TTBK2: variants seen among roughly 807,000 people sequenced by gnomAD.
The protein encoded by TTBK2 is tau-tubulin kinase 2.
In TTBK2, 28 loss-of-function variants were observed where a neutral mutation model predicts 110.8. That is an observed-to-expected ratio of 0.25 (90% CI 0.19 to 0.35). The LOEUF is 0.35. Among genes scored for constraint, TTBK2 ranks in the 10% least tolerant of loss-of-function variants. The pLI is 1.00. For synonymous variants in TTBK2, 532 were observed against 527.3 expected (o/e 1.01, Z -0.12); for missense variants, 1,369 against 1,500.3 (o/e 0.91, Z 1.45).
In TTBK2 at chr15:42,913,431, A is replaced by G. The variant is rs374606228; in HGVS notation, c.-68+7007T>C. On this transcript the variant is annotated intron_variant, in intron 1 of 14. Coordinates refer to ENST00000267890, the MANE Select transcript of TTBK2 (RefSeq NM_173500.4). ...GAGGCGGGCGGATCACGGGGTCAGG[A>G]GATCGAGACCATCCTGATTAACACG... Among the ~76,000 whole-genome samples the G allele has an allele frequency of 8.7e-4, 133 of 152,148 alleles. 3 individuals are homozygous for G. In the East Asian group the frequency reaches 0.02, roughly 23 times the overall value.
chr15:42,849,497 C>G (rs1893609197), intron 3 of TTBK2, among the ~76,000 whole-genome samples: 1 of 152,072 alleles, frequency 6.6e-6, no homozygotes, highest in South Asian at 2.1e-4. Flanking sequence ...TTGTCTGATT[C>G]TTTCTAAGCT....
At chr15:42,801,722 C>A in intron 9 of TTBK2, 1 of 851,702 alleles carries the variant, frequency 1.2e-6, no homozygotes, top group Non-Finnish European at 2.0e-6. Flanking sequence ...CTCCCGATCT[C>A]CTCTTCATAC....
At chr15:42,785,920 C>T (rs1269133180) in intron 10 of TTBK2, among the ~76,000 whole-genome samples, 1 of 152,066 alleles carries the variant, frequency 6.6e-6, no homozygotes, top group Non-Finnish European at 1.5e-5. Flanking sequence ...TTAAGGGTCA[C>T]AGTTAGATCC....
At chr15:42,902,171 G>A (rs897273847) in intron 1 of TTBK2, among the ~76,000 whole-genome samples, 5 of 149,404 alleles carry the variant, frequency 3.3e-5, no homozygotes, top group South Asian at 2.1e-4. Flanking sequence ...AGCCAAGATC[G>A]TGCCATTGCC....
At chr15:42,881,363 CT>C (rs1895043012) in intron 1 of TTBK2, among the ~76,000 whole-genome samples, 1 of 147,382 alleles carries the variant, frequency 6.8e-6, no homozygotes, top group African/African-American at 2.5e-5. Context: ...AAAAAAAAAC[CT>C]TTTAATGTTG....
At chr15:42,859,654 C>T (rs1278333957) in intron 3 of TTBK2, among the ~76,000 whole-genome samples, 1 of 151,982 alleles carries the variant, frequency 6.6e-6, no homozygotes, top group African/African-American at 2.4e-5. Flanking sequence ...TGCTTTTATG[C>T]AGTACATTAT....
At chr15:42,840,169 T>C (rs928127819) in intron 4 of TTBK2, among the ~76,000 whole-genome samples, 191 bp downstream of exon 4, 11 of 152,192 alleles carry the variant, frequency 7.2e-5, no homozygotes, top group Non-Finnish European at 1.3e-4. Flanking sequence ...TCAACTCAAA[T>C]AGCGGACAAA....
At chr15:42,853,330 A>T (rs1893796463) in intron 3 of TTBK2, among the ~76,000 whole-genome samples, 1 of 152,230 alleles carries the variant, frequency 6.6e-6, no homozygotes, top group Non-Finnish European at 1.5e-5. Flanking sequence ...AGAAAAATGT[A>T]GTTTTTCCTG....
chr15:42,852,449 A>G (rs1398962597), intron 3 of TTBK2, among the ~76,000 whole-genome samples: 1 of 152,238 alleles, frequency 6.6e-6, no homozygotes, highest in Non-Finnish European at 1.5e-5. Flanking sequence ...TAAAGGGAAA[A>G]AGTAAAATAT....
chr15:42,792,562 A>G (rs1273197364), intron 10 of TTBK2, among the ~76,000 whole-genome samples: 1 of 152,052 alleles, frequency 6.6e-6, no homozygotes, highest in Non-Finnish European at 1.5e-5. Context: ...TCTTTCTAGC[A>G]CTGGTTTTAT....
At position 42,741,125 on chromosome 15, in the gene TTBK2, C is replaced by CGGAA. The variant is rs1479158901; in HGVS notation, c.*4669_*4670insTTCC. 2.0e-5 allele frequency: 3 copies of CGGAA among 152,148 alleles called. No homozygotes were observed. Among genetic ancestry groups the CGGAA allele is most frequent in the Non-Finnish European group, 2.9e-5 (2 of 68,016 alleles). The allele number at this position is 152,148 out of a possible 1,614,324, so 9.4% of individuals were successfully genotyped here. ...GACTTTGTTAAATTTCTCATAATTC[C>CGGAA]AGAGGGAAGGCCAAAATATTGAGAA... On this transcript the variant is annotated 3_prime_UTR_variant, in exon 15 of 15. Coordinates refer to ENST00000267890, the MANE Select transcript of TTBK2 (RefSeq NM_173500.4).
chr15:42,853,871 G>C (rs774123787), intron 3 of TTBK2, among the ~76,000 whole-genome samples: 5 of 151,086 alleles, frequency 3.3e-5, no homozygotes, highest in Admixed American at 6.6e-5. Flanking sequence ...ACAGTTGAAG[G>C]CTCCGTCTCA....
intron 13 of TTBK2, among the ~76,000 whole-genome samples, chr15:42,755,391 C>T (rs2061932460): frequency 6.6e-6 from 1 of 152,068 alleles, no homozygotes. Flanking sequence ...CATGTGGTTC[C>T]AGGGTCAGCT....
chr15:42,905,893 T>C (rs188256452), intron 1 of TTBK2, among the ~76,000 whole-genome samples: 10 of 152,294 alleles, frequency 6.6e-5, no homozygotes, highest in Non-Finnish European at 1.3e-4. Context: ...ATACTGACTG[T>C]GCTCAATAAA....
intron 13 of TTBK2, among the ~76,000 whole-genome samples, chr15:42,763,149 T>TACATAC (rs1889128547): frequency 9.9e-5 from 6 of 60,438 alleles, no homozygotes; most frequent in Non-Finnish European, 1.6e-4. Context: ...CATACATATA[T>TACATAC]ATATATACAT....
At chr15:42,784,033 G>A (rs527525380) in intron 10 of TTBK2, among the ~76,000 whole-genome samples, 2 of 151,902 alleles carry the variant, frequency 1.3e-5, no homozygotes, top group South Asian at 4.2e-4. Flanking sequence ...CTGCACTCCA[G>A]CCTGGGTGAC....
chr15:42,770,151 T>G lies in TTBK2; in HGVS notation c.1998+4984A>C, dbSNP rs149261319. Among the ~76,000 whole-genome samples, 1,420 of 152,040 alleles carry G rather than the reference T, an allele frequency of 9.3e-3. 12 individuals carry two copies. Among genetic ancestry groups the G allele is most frequent in the Admixed American group, 0.015 (228 of 15,262 alleles). ...TAGCAGAAATACCTAATGTAAATGA[T>G]GAGTTGATGGGTGCAGCACACCAAC... On this transcript the variant is annotated intron_variant, in intron 13 of 14. Transcript: ENST00000267890.
intron 11 of TTBK2, among the ~76,000 whole-genome samples, chr15:42,778,456 G>C (rs189444728): frequency 6.6e-5 from 10 of 152,236 alleles, no homozygotes; most frequent in Non-Finnish European, 1.5e-4. Flanking sequence ...ACAAGGTCAG[G>C]AGTTGGAGAC....
intron 9 of TTBK2, among the ~76,000 whole-genome samples, chr15:42,796,974 A>C (rs1890972067): frequency 2.0e-5 from 3 of 152,240 alleles, no homozygotes; most frequent in South Asian, 4.1e-4. Context: ...ATTTTTGTTC[A>C]TGTAAGTCAC....
Sources: gnomAD v4.1 joint callset for allele counts (sites outside exome capture counted in the v4.1 genomes callset) on GRCh38, gnomAD v4.1.1 for gene constraint, MANE v1.5 for transcripts, NCBI Gene and HGNC (gene_info 2026-07-23, HGNC 2026-07-21) for gene names.